Variants in GNAQ observed in about 807,000 individuals in gnomAD.
GNAQ encodes G protein subunit alpha q.
GNAQ carries 8 observed loss-of-function variants against 43.9 expected under a neutral mutation model. The observed-to-expected ratio is 0.18, with a 90% CI of 0.11 to 0.33. The LOEUF (loss-of-function observed/expected upper bound fraction) is 0.33. GNAQ is among the 10% of genes least tolerant of loss of function. The pLI is 1.00. For missense variants in GNAQ, 158 were observed against 450.8 expected, an observed-to-expected ratio of 0.35 and a Z score of 5.88; for synonymous variants, 155 against 170.7, an observed-to-expected ratio of 0.91 and a Z score of 0.71.
At chr9:77,993,917 T>C (rs1823538287) in intron 1 of GNAQ, among the ~76,000 whole-genome samples, 1 of 152,138 alleles carries the variant, frequency 6.6e-6, no homozygotes, top group African/African-American at 2.4e-5. Context: ...TATAAAAAAA[T>C]CTAGAGTAAA....
At chr9:77,804,507 A>G (rs1318616273) in intron 3 of GNAQ, among the ~76,000 whole-genome samples, 1 of 152,128 alleles carries the variant, frequency 6.6e-6, no homozygotes, top group African/African-American at 2.4e-5. Context: ...ACACAGTAAG[A>G]CCCTGACTCT....
At chr9:77,884,830 G>C (rs756892400) in intron 2 of GNAQ, among the ~76,000 whole-genome samples, 1 of 152,234 alleles carries the variant, frequency 6.6e-6, no homozygotes, top group Non-Finnish European at 1.5e-5. Context: ...GGCACTGTGA[G>C]TTAAGAAACT....
At chr9:77,785,341 C>G (rs1181487417) in intron 5 of GNAQ, among the ~76,000 whole-genome samples, 1 of 152,174 alleles carries the variant, frequency 6.6e-6, no homozygotes, top group African/African-American at 2.4e-5. Context: ...TCCCCTAGAG[C>G]CTTCGGAGGA....
At chr9:77,963,257 C>T (rs989662180) in intron 1 of GNAQ, among the ~76,000 whole-genome samples, 1 of 152,114 alleles carries the variant, frequency 6.6e-6, no homozygotes, top group African/African-American at 2.4e-5. Flanking sequence ...AGACCATCCA[C>T]ATCAATTTGT....
At chr9:77,917,836 C>T (rs1244217790) in intron 2 of GNAQ, among the ~76,000 whole-genome samples, 1 of 152,198 alleles carries the variant, frequency 6.6e-6, no homozygotes, top group Non-Finnish European at 1.5e-5. Flanking sequence ...CACCTATAAA[C>T]AGTGCTTGTT....
chr9:77,927,833 C>T (rs566475808), intron 1 of GNAQ, among the ~76,000 whole-genome samples: 6 of 152,094 alleles, frequency 3.9e-5, no homozygotes, highest in Non-Finnish European at 8.8e-5. Context: ...AGGCTCAGGA[C>T]GAATGCCCCC....
chr9:77,969,176 T>C (rs1289627090), intron 1 of GNAQ, among the ~76,000 whole-genome samples: 2 of 152,210 alleles, frequency 1.3e-5, no homozygotes, highest in Admixed American at 6.5e-5. Context: ...AAGCAGCCCA[T>C]TCAGTCTTAT....
intron 1 of GNAQ, among the ~76,000 whole-genome samples, chr9:78,024,715 T>G (rs1449874388): frequency 1.3e-5 from 2 of 152,220 alleles, no homozygotes; most frequent in Admixed American, 6.5e-5. Context: ...TAGTCTTTCC[T>G]GTCGGCAAAT....
chr9:77,795,118 C>A (rs1400338982), intron 4 of GNAQ, among the ~76,000 whole-genome samples: 1 of 152,142 alleles, frequency 6.6e-6, no homozygotes, highest in African/African-American at 2.4e-5. Context: ...CATCCTTTAT[C>A]AGCAGGGTCG....
intron 5 of GNAQ, among the ~76,000 whole-genome samples, chr9:77,764,279 A>G (rs1826098675): frequency 6.6e-6 from 1 of 152,088 alleles, no homozygotes. Context: ...CAAATCACAG[A>G]TATTAAATTA....
chr9:77,924,187 G>T (rs1184367992), intron 1 of GNAQ, among the ~76,000 whole-genome samples: 1 of 152,130 alleles, frequency 6.6e-6, no homozygotes, highest in Non-Finnish European at 1.5e-5. Flanking sequence ...AATCCAAAAA[G>T]TTTAAAATGA....
At chr9:77,979,752 T>G (rs1823346787) in intron 1 of GNAQ, among the ~76,000 whole-genome samples, 1 of 152,220 alleles carries the variant, frequency 6.6e-6, no homozygotes, top group African/African-American at 2.4e-5. Flanking sequence ...TGCCTCACAA[T>G]TAAGACGCTA....
chr9:77,998,528 A>T (rs1011357370), intron 1 of GNAQ, among the ~76,000 whole-genome samples: 2 of 152,224 alleles, frequency 1.3e-5, no homozygotes, highest in African/African-American at 4.8e-5. Flanking sequence ...CACTGCAAAC[A>T]GCTGAATCTG....
At chr9:78,028,756 C>T (rs1173703841) in intron 1 of GNAQ, among the ~76,000 whole-genome samples, 1 of 152,134 alleles carries the variant, frequency 6.6e-6, no homozygotes, top group African/African-American at 2.4e-5. Context: ...TCAGGAATTC[C>T]TCAAATGAAA....
intron 2 of GNAQ, among the ~76,000 whole-genome samples, chr9:77,897,104 C>A (rs1235231805): frequency 1.3e-5 from 2 of 152,174 alleles, no homozygotes; most frequent in East Asian, 3.9e-4. Flanking sequence ...AAAGGAGGCA[C>A]CCGTGCCAAA....
chr9:77,996,677 CAAAAA>C, intron 1 of GNAQ, among the ~76,000 whole-genome samples: 1 of 105,610 alleles, frequency 9.5e-6, no homozygotes, highest in African/African-American at 3.7e-5. Flanking sequence ...GACTCCATCT[CAAAAA>C]AAAAAAAAAA....
chr9:77,880,343 C>T (rs973921534), intron 2 of GNAQ, among the ~76,000 whole-genome samples: 5 of 152,038 alleles, frequency 3.3e-5, no homozygotes, highest in Admixed American at 1.3e-4. Flanking sequence ...GGTAAGACAG[C>T]CAGTAAGTCA....
intron 1 of GNAQ, among the ~76,000 whole-genome samples, chr9:77,978,190 G>A (rs538438884): frequency 3.9e-5 from 6 of 152,196 alleles, no homozygotes; most frequent in East Asian, 1.9e-4. Flanking sequence ...TCAGCTTAAC[G>A]AAATGACAGG....
intron 2 of GNAQ, among the ~76,000 whole-genome samples, chr9:77,837,341 CAGGAGTTCAAG>C (rs1345834376): frequency 2.0e-5 from 3 of 151,978 alleles, no homozygotes; most frequent in African/African-American, 7.3e-5. Flanking sequence ...CGCCTGAGGT[CAGGAGTTCAAG>C]ACCAGGCTGG....
Sources: gnomAD v4.1 joint callset for allele counts (sites outside exome capture counted in the v4.1 genomes callset) on GRCh38, gnomAD v4.1.1 for gene constraint, MANE v1.5 for transcripts, NCBI Gene and HGNC (gene_info 2026-07-23, HGNC 2026-07-21) for gene names.